The following NELL1 variants were observed in gnomAD, a reference collection of about 807,000 sequenced individuals.
NELL1 encodes the protein neural EGFL like 1, also known as protein kinase C-binding protein NELL1.
In NELL1, 76 loss-of-function variants were observed where a neutral mutation model predicts 107.4. The observed-to-expected ratio is 0.71, with a 90% CI of 0.59 to 0.86. The LOEUF (loss-of-function observed/expected upper bound fraction) is 0.86, where lower values mean the gene tolerates loss of function less well. Among genes scored for constraint, NELL1 ranks in the 40% least tolerant of loss-of-function variants. The pLI, the probability that NELL1 is intolerant of heterozygous loss-of-function variation, is 0.00. For synonymous variants in NELL1, 353 were observed against 341.2 expected (o/e 1.03, Z -0.38); for missense variants, 1,024 against 1,005.5 (o/e 1.02, Z -0.25).
chr11:20,679,490 GTTA>G (rs773147635), intron 2 of NELL1, among the ~76,000 whole-genome samples: 10 of 152,138 alleles, frequency 6.6e-5, no homozygotes, highest in Non-Finnish European at 1.5e-4. Flanking sequence ...CAAATCTAGA[GTTA>G]TTATGTAATT....
chr11:21,113,485 T>A, intron 12 of NELL1, 104 bp from the exon 13 acceptor site: 7 of 1,205,514 alleles, frequency 5.8e-6, no homozygotes, highest in Non-Finnish European at 8.1e-6. Context: ...ACTTTTTCTC[T>A]TGGCTTCTAT....
intron 12 of NELL1, among the ~76,000 whole-genome samples, chr11:21,003,660 C>G (rs760066698): frequency 6.6e-6 from 1 of 152,094 alleles, no homozygotes; most frequent in Non-Finnish European, 1.5e-5. Context: ...GTCAGGGAAG[C>G]TGGAAGAGAT....
chr11:20,715,222 G>GT (rs1409996653), intron 2 of NELL1, among the ~76,000 whole-genome samples: 1 of 151,672 alleles, frequency 6.6e-6, no homozygotes, highest in East Asian at 1.9e-4. Context: ...GCCAGCCTGG[G>GT]GACAGAGTGA....
At chr11:21,021,505 C>T (rs1169199614) in intron 12 of NELL1, among the ~76,000 whole-genome samples, 1 of 152,014 alleles carries the variant, frequency 6.6e-6, no homozygotes, top group Admixed American at 6.6e-5. Flanking sequence ...CAGAGCACGT[C>T]TTAGGGAAGG....
At chr11:21,043,500 G>A (rs754995579) in intron 12 of NELL1, among the ~76,000 whole-genome samples, 21 of 152,108 alleles carry the variant, frequency 1.4e-4, no homozygotes, top group Non-Finnish European at 2.6e-4. Context: ...AAGGGTTCAC[G>A]TTATGAAAGG....
chr11:21,357,536 A>G (rs1003962293), intron 14 of NELL1, among the ~76,000 whole-genome samples: 19 of 152,000 alleles, frequency 1.3e-4, no homozygotes, highest in African/African-American at 3.9e-4. Context: ...GAGTTCCTTG[A>G]AGAGTCTGGA....
rs572134895 is a variant in NELL1, at chr11:21,017,164, C to T, written c.1300+56604C>T. Among the ~76,000 whole-genome samples, 18 of 152,196 alleles carry T rather than the reference C, an allele frequency of 1.2e-4. No homozygotes were observed. In the South Asian group the frequency reaches 2.9e-3, roughly 25 times the overall value. On this transcript the variant is annotated intron_variant, in intron 12 of 19. Transcript: ENST00000357134. ...ATTTCGTGTTAGAGATAGCCAATGACGGGCACTGGCACAAATGTTGGGAGG... is the reference window on the plus strand; with the variant it reads ...ATTTCGTGTTAGAGATAGCCAATGATGGGCACTGGCACAAATGTTGGGAGG...
At chr11:21,440,033 A>T (rs1853237931) in intron 15 of NELL1, among the ~76,000 whole-genome samples, 1 of 152,182 alleles carries the variant, frequency 6.6e-6, no homozygotes, top group African/African-American at 2.4e-5. Flanking sequence ...AAAGGAGAAT[A>T]CCATAAACCA....
intron 2 of NELL1, among the ~76,000 whole-genome samples, chr11:20,774,955 GA>G (rs966280156): frequency 8.6e-5 from 13 of 150,524 alleles, no homozygotes; most frequent in East Asian, 3.9e-4. Flanking sequence ...CAAAAAAAAA[GA>G]AAAAAAAACC....
At chr11:21,001,748 AG>A (rs769596805) in intron 12 of NELL1, among the ~76,000 whole-genome samples, 12 of 151,576 alleles carry the variant, frequency 7.9e-5, no homozygotes, top group Admixed American at 2.0e-4. Flanking sequence ...CCACATTGGA[AG>A]GGGGAGAGGT....
At chr11:21,029,503 C>T (rs531381572) in intron 12 of NELL1, among the ~76,000 whole-genome samples, 2 of 152,264 alleles carry the variant, frequency 1.3e-5, no homozygotes, top group African/African-American at 4.8e-5. Flanking sequence ...CCACCACCGT[C>T]ACCATCACTG....
chr11:20,680,325 AC>A (rs1174883155), intron 2 of NELL1, among the ~76,000 whole-genome samples: 2 of 152,034 alleles, frequency 1.3e-5, no homozygotes, highest in Non-Finnish European at 2.9e-5. Flanking sequence ...AAATACATTC[AC>A]CCCATCGCAG....
intron 15 of NELL1, among the ~76,000 whole-genome samples, chr11:21,391,026 T>G (rs1168606936): frequency 1.3e-5 from 2 of 151,798 alleles, no homozygotes; most frequent in Non-Finnish European, 2.9e-5. Context: ...GAACAGATTT[T>G]CAATTAACTT....
intron 7 of NELL1, among the ~76,000 whole-genome samples, chr11:20,920,315 T>C (rs1457668732): frequency 6.6e-6 from 1 of 152,082 alleles, no homozygotes; most frequent in Admixed American, 6.6e-5. Flanking sequence ...CCATGGCATG[T>C]GCAAAAAAAT....
intron 13 of NELL1, among the ~76,000 whole-genome samples, chr11:21,201,536 T>C (rs200720144): frequency 6.6e-6 from 1 of 152,224 alleles, no homozygotes; most frequent in Non-Finnish European, 1.5e-5. Flanking sequence ...GCAGAGATGT[T>C]GGGGTTTTCT....
At chr11:20,744,559 A>G (rs1590253400) in intron 2 of NELL1, among the ~76,000 whole-genome samples, 1 of 152,284 alleles carries the variant, frequency 6.6e-6, no homozygotes, top group African/African-American at 2.4e-5. Flanking sequence ...TTGGCTCTTT[A>G]TAGTAGTTTA....
At chr11:21,330,051 C>T (rs889602378) in intron 14 of NELL1, among the ~76,000 whole-genome samples, 2 of 151,718 alleles carry the variant, frequency 1.3e-5, no homozygotes, top group African/African-American at 4.8e-5. Flanking sequence ...ATTGTTGGTT[C>T]TCTTCCTTTT....
chr11:20,820,698 T>A (rs1243812030), intron 3 of NELL1, among the ~76,000 whole-genome samples: 1 of 152,152 alleles, frequency 6.6e-6, no homozygotes, highest in Non-Finnish European at 1.5e-5. Context: ...CCCAAGCCCT[T>A]TGTACCTATT....
intron 2 of NELL1, among the ~76,000 whole-genome samples, chr11:20,678,885 A>T (rs938988617): frequency 1.1e-4 from 16 of 152,252 alleles, no homozygotes; most frequent in Non-Finnish European, 2.1e-4. Context: ...TGGGACACAG[A>T]TATTCAAATC....
Sources: gnomAD v4.1 joint callset for allele counts (sites outside exome capture counted in the v4.1 genomes callset) on GRCh38, gnomAD v4.1.1 for gene constraint, MANE v1.5 for transcripts, NCBI Gene and HGNC (gene_info 2026-07-23, HGNC 2026-07-21) for gene names.